The following ERC1 variants were observed in gnomAD, a reference collection of about 807,000 sequenced individuals.
ERC1 encodes RAB6 interacting protein 2.
A neutral mutation model predicts 132.0 loss-of-function variants in ERC1; 56 were observed. That is an observed-to-expected ratio of 0.42 (90% confidence interval 0.34 to 0.53). The LOEUF is 0.53. Among genes scored for constraint, ERC1 ranks in the 20% least tolerant of loss-of-function variants. The pLI, the probability that ERC1 is intolerant of heterozygous loss-of-function variation, is 0.03. For synonymous variants in ERC1, 478 were observed against 476.1 expected, an observed-to-expected ratio of 1.00 and a Z score of -0.05; for missense variants, 1,202 against 1,349.9, an observed-to-expected ratio of 0.89 and a Z score of 1.72.
chr12:1,390,515 A>C (rs2089864094), intron 16 of ERC1: 2 of 152,230 alleles, frequency 1.3e-5, no homozygotes, highest in African/African-American at 4.8e-5. Context: ...CTATTAATCT[A>C]AATGGGAAGG....
chr12:1,309,978 C>T (rs757851775), intron 15 of ERC1, among the ~76,000 whole-genome samples: 4 of 150,586 alleles, frequency 2.7e-5, no homozygotes, highest in Non-Finnish European at 5.9e-5. Context: ...GACAGAGTCT[C>T]GTGCTGTCGC....
chr12:1,236,844 A>G lies in ERC1; in HGVS notation c.2427A>G (p.Gln809=), dbSNP rs1484275614. The G allele has an allele frequency of 1.9e-6, 3 of 1,614,044 alleles. No homozygotes were observed. Among genetic ancestry groups the G allele is most frequent in the South Asian group, 1.1e-5 (1 of 91,088 alleles). ...AGGTGGAAAAAAAGAAGAGTGCACA[A>G]ATGTTAGAGGAGGCGCGACGACGGG... The part of the protein sequence containing the change: ...KEQVEKKKSA[Q]MLEEARRRED... Residue 809 remains glutamine (Q), a synonymous_variant, in exon 13 of 19, where the codon CAA becomes CAG. Coordinates refer to ENST00000360905, the MANE Select transcript of ERC1 (RefSeq NM_178040.4).
chr12:1,418,587 TTCTCTTTCTTTC>T (rs2092245394), intron 17 of ERC1, among the ~76,000 whole-genome samples: 1 of 112,990 alleles, frequency 8.9e-6, no homozygotes, highest in South Asian at 3.2e-4. Context: ...CTTTCTTTCT[TTCTCTTTCTTTC>T]TTTCTTTCTT....
At chr12:1,112,840 G>A (rs757888860) in intron 6 of ERC1, among the ~76,000 whole-genome samples, 10 of 151,994 alleles carry the variant, frequency 6.6e-5, no homozygotes, top group Admixed American at 1.3e-4. Context: ...CTTATTTCAG[G>A]TATCTAAATC....
At chr12:1,078,098 G>T (rs1941622792) in intron 2 of ERC1, among the ~76,000 whole-genome samples, 1 of 152,166 alleles carries the variant, frequency 6.6e-6, no homozygotes, top group South Asian at 2.1e-4. Context: ...AGCCATATGT[G>T]CCAAAGCGTA....
chr12:1,432,703 C>G (rs1389623812), intron 17 of ERC1, among the ~76,000 whole-genome samples: 1 of 152,188 alleles, frequency 6.6e-6, no homozygotes, highest in Non-Finnish European at 1.5e-5. Flanking sequence ...GGTCTCCTAC[C>G]TAGAATGTAA....
chr12:1,418,621 T>TC (rs2092264201), intron 17 of ERC1, among the ~76,000 whole-genome samples: 4 of 118,654 alleles, frequency 3.4e-5, no homozygotes, highest in African/African-American at 2.0e-4. Flanking sequence ...CTTTCTTTCT[T>TC]TCTTTCTTTC....
At chr12:1,055,976 G>C (rs1241624347) in intron 2 of ERC1, among the ~76,000 whole-genome samples, 4 of 151,134 alleles carry the variant, frequency 2.6e-5, no homozygotes, top group African/African-American at 9.7e-5. Context: ...TGAGACCCCT[G>C]TCTCTAAAAA....
chr12:1,180,915 G>A (rs1251467564), intron 9 of ERC1, among the ~76,000 whole-genome samples: 3 of 151,548 alleles, frequency 2.0e-5, no homozygotes, highest in Non-Finnish European at 4.4e-5. Context: ...AGGTTCAAGC[G>A]ATTCTCCTGC....
At chr12:1,327,428 T>C (rs1042786668) in intron 15 of ERC1, among the ~76,000 whole-genome samples, 4 of 152,228 alleles carry the variant, frequency 2.6e-5, no homozygotes, top group Non-Finnish European at 4.4e-5. Flanking sequence ...TTAAACAATA[T>C]GTAGCCCCCA....
chr12:1,154,319 G>A (rs892087305), intron 8 of ERC1, among the ~76,000 whole-genome samples: 2 of 139,276 alleles, frequency 1.4e-5, no homozygotes, highest in Admixed American at 7.3e-5. Flanking sequence ...ATGTGTGTGT[G>A]TATATATATA....
intron 14 of ERC1, among the ~76,000 whole-genome samples, chr12:1,284,027 C>G (rs1222014656): frequency 1.3e-5 from 2 of 152,104 alleles, no homozygotes; most frequent in African/African-American, 4.8e-5. Flanking sequence ...TATTTTTGTA[C>G]CCATTAACCA....
intron 17 of ERC1, among the ~76,000 whole-genome samples, chr12:1,414,850 G>T (rs893398306): frequency 2.0e-5 from 3 of 152,044 alleles, no homozygotes; most frequent in Non-Finnish European, 4.4e-5. Context: ...ATATATGTGT[G>T]TGTGTGTCTG....
chr12:1,271,146 A>G (rs1014886725), intron 14 of ERC1, among the ~76,000 whole-genome samples: 1 of 146,100 alleles, frequency 6.8e-6, no homozygotes, highest in African/African-American at 2.4e-5. Flanking sequence ...GCAGAAAAAA[A>G]GAAGTATAAA....
intron 15 of ERC1, among the ~76,000 whole-genome samples, chr12:1,323,350 C>T (rs1168167721): frequency 1.3e-5 from 2 of 152,130 alleles, no homozygotes; most frequent in Admixed American, 6.6e-5. Flanking sequence ...TTCCTGACAG[C>T]CAATGTAAGA....
At chr12:1,050,246 A>G (rs1971712752) in intron 2 of ERC1, among the ~76,000 whole-genome samples, 1 of 152,230 alleles carries the variant, frequency 6.6e-6, no homozygotes, top group Non-Finnish European at 1.5e-5. Context: ...ACAGGACGTC[A>G]GGATAAGATC....
At chr12:1,137,987 ATAATATATAT>A (rs1291640269) in intron 7 of ERC1, among the ~76,000 whole-genome samples, 13 of 132,558 alleles carry the variant, frequency 9.8e-5, no homozygotes, top group African/African-American at 2.9e-4. Flanking sequence ...TATAGTATAT[ATAATATATAT>A]TAATATATAA....
At chr12:1,403,422 C>T (rs2154390723) in intron 16 of ERC1, among the ~76,000 whole-genome samples, 1 of 152,314 alleles carries the variant, frequency 6.6e-6, no homozygotes, top group Non-Finnish European at 1.5e-5. Flanking sequence ...CTTAAGAGCA[C>T]AGAGTCATTT....
At chr12:1,484,241 C>G (rs563674883) in intron 18 of ERC1, among the ~76,000 whole-genome samples, 4 of 151,532 alleles carry the variant, frequency 2.6e-5, no homozygotes, top group Admixed American at 1.3e-4. Flanking sequence ...GGATGTGGAG[C>G]TTGCAGTGAG....
Sources: gnomAD v4.1 joint callset for allele counts (sites outside exome capture counted in the v4.1 genomes callset) on GRCh38, gnomAD v4.1.1 for gene constraint, MANE v1.5 for transcripts, NCBI Gene and HGNC (gene_info 2026-07-23, HGNC 2026-07-21) for gene names.